Variants in SRFBP1 observed in about 807,000 individuals in gnomAD.
The protein encoded by SRFBP1 is serum response factor-binding protein 1.
In SRFBP1, 47 loss-of-function variants were observed where a neutral mutation model predicts 45.5. The observed-to-expected ratio is 1.03, with a 90% CI of 0.82 to 1.32. SRFBP1 has a LOEUF of 1.32. Ranked by LOEUF, SRFBP1 falls within the 40% of genes most tolerant of loss-of-function variation. The pLI, the probability that SRFBP1 is intolerant of heterozygous loss-of-function variation, is 0.00. For synonymous variants in SRFBP1, 203 were observed against 166.3 expected (o/e 1.22, Z -1.70); for missense variants, 621 against 484.6 (o/e 1.28, Z -2.64).
At position 122,060,816 on chromosome 5, in the gene SRFBP1, C is replaced by T. The variant is rs376643197; in HGVS notation, n.312-14499C>T. On this transcript the variant is annotated intron_variant and non_coding_transcript_variant, in intron 2 of 2. Transcript: ENST00000504881. Reference sequence around the variant, plus strand: ...GATTTCCTGGTTCCATCTGCTCCTGCAGCAAACTCCACCCTTGTCCTTTGG... The same window carrying T: ...GATTTCCTGGTTCCATCTGCTCCTGTAGCAAACTCCACCCTTGTCCTTTGG... Among the ~76,000 whole-genome samples, 59 of 152,220 alleles carry T rather than the reference C, an allele frequency of 3.9e-4. 1 individual carries two copies. In the East Asian group the frequency reaches 7.7e-3, roughly 20 times the overall value.
At chr5:122,031,024 A>G (rs1753580990), downstream of SRFBP1, among the ~76,000 whole-genome samples, 3 of 152,204 alleles carry the variant, frequency 2.0e-5, no homozygotes, top group Admixed American at 2.0e-4. Flanking sequence ...GAGGCACTGC[A>G]TAAGTAGGTG....
chr5:122,018,457 G>T (rs1007454593), intron 4 of SRFBP1, among the ~76,000 whole-genome samples: 1 of 152,148 alleles, frequency 6.6e-6, no homozygotes, highest in African/African-American at 2.4e-5. Flanking sequence ...TAGTGGGAAA[G>T]AATCCTTAGA....
At chr5:122,033,019 A>T (rs552104893), downstream of SRFBP1, among the ~76,000 whole-genome samples, 106 of 152,184 alleles carry the variant, frequency 7.0e-4, no homozygotes, top group Middle Eastern at 6.8e-3. Context: ...TGTGACAGTA[A>T]GATGGGTAAG....
At chr5:122,045,017 T>C (rs1263931734) in intron 2 of SRFBP1, among the ~76,000 whole-genome samples, 1 of 152,186 alleles carries the variant, frequency 6.6e-6, no homozygotes, top group East Asian at 1.9e-4. Flanking sequence ...CTTTAATCCA[T>C]CTTGAGTTAA....
chr5:122,072,111 A>G (rs148516419), intron 2 of SRFBP1, among the ~76,000 whole-genome samples: 177 of 152,322 alleles, frequency 1.2e-3, no homozygotes, highest in Middle Eastern at 3.4e-3. Flanking sequence ...TACTACCACA[A>G]TGTTCATGAC....
chr5:122,063,565 G>A (rs1310524863), intron 2 of SRFBP1: 1 of 151,804 alleles, frequency 6.6e-6, no homozygotes, highest in East Asian at 1.9e-4. Flanking sequence ...AAGTGGCCCA[G>A]GAATTTTGGT....
At chr5:121,968,192 T>G (rs1193528696) in intron 1 of SRFBP1, among the ~76,000 whole-genome samples, 1 of 151,120 alleles carries the variant, frequency 6.6e-6, no homozygotes, top group African/African-American at 2.4e-5. Context: ...CAGTGTATGC[T>G]TAAAACCTCA....
intron 4 of SRFBP1, among the ~76,000 whole-genome samples, chr5:122,011,777 G>A (rs377534165): frequency 1.9e-4 from 29 of 152,226 alleles, no homozygotes; most frequent in African/African-American, 5.1e-4. Context: ...ATGGGCAAGA[G>A]AGAAATGAGG....
chr5:121,976,965 A>G (rs1167956805), intron 3 of SRFBP1, among the ~76,000 whole-genome samples: 1 of 151,988 alleles, frequency 6.6e-6, no homozygotes, highest in Non-Finnish European at 1.5e-5. Flanking sequence ...GTTTGAGAAC[A>G]AAAGATACTC....
intron 3 of SRFBP1, among the ~76,000 whole-genome samples, chr5:121,989,198 G>A (rs914202177): frequency 2.6e-5 from 4 of 151,890 alleles, no homozygotes; most frequent in African/African-American, 9.7e-5. Context: ...TGAGTAGCTG[G>A]GATTACAGGC....
intron 1 of SRFBP1, among the ~76,000 whole-genome samples, chr5:121,967,787 C>A (rs995077371): frequency 2.0e-5 from 3 of 152,098 alleles, no homozygotes; most frequent in Non-Finnish European, 4.4e-5. Context: ...TGTGATGAGT[C>A]GAGATCACAC....
chr5:122,055,732 C>G (rs957108954), intron 2 of SRFBP1, among the ~76,000 whole-genome samples: 4 of 151,960 alleles, frequency 2.6e-5, no homozygotes, highest in Non-Finnish European at 4.4e-5. Context: ...GACAAATAGA[C>G]AAATAGCAAA....
At chr5:122,023,864 A>G (rs1753414305) in intron 7 of SRFBP1, among the ~76,000 whole-genome samples, 1 of 152,100 alleles carries the variant, frequency 6.6e-6, no homozygotes, top group South Asian at 2.1e-4. Context: ...CGTACTGAAA[A>G]TTCTTTCTTT....
rs767099536 is a variant in SRFBP1 at position 121,984,742 on chromosome 5, C to T, written c.198+9355C>T. On this transcript the variant is annotated intron_variant, in intron 3 of 7. Coordinates refer to ENST00000339397, the MANE Select transcript of SRFBP1 (RefSeq NM_152546.3). ...TTTAAGATGACCATTGCCTTCAACA[C>T]GATTTTGAAAAGTTACGCTAAAACT... 8.6e-5 allele frequency among the ~76,000 whole-genome samples: 13 copies of T among 151,790 alleles called. No individual in the cohort carries two copies. The South Asian group carries it at 1.5e-3, about 17-fold the overall frequency.
downstream of SRFBP1, among the ~76,000 whole-genome samples, chr5:122,031,909 A>G (rs1459204652): frequency 6.6e-6 from 1 of 152,228 alleles, no homozygotes; most frequent in African/African-American, 2.4e-5. Context: ...CTTACATGCA[A>G]TGTCCAAAAT....
intron 7 of SRFBP1, among the ~76,000 whole-genome samples, chr5:122,022,779 A>G (rs1753389821): frequency 6.6e-6 from 1 of 152,254 alleles, no homozygotes; most frequent in African/African-American, 2.4e-5. Context: ...GGGCAAGAGT[A>G]TAATCAGAAT....
downstream of SRFBP1, chr5:122,077,386 C>A (rs922851414): frequency 1.1e-5 from 17 of 1,613,984 alleles, no homozygotes; most frequent in Non-Finnish European, 1.4e-5. This position sits in a 1 kb window ranked among gnomAD's most constrained non-coding sequence, Gnocchi z 4.9. Context: ...CGTATCCGGG[C>A]CGGTACCTGC....
intron 3 of SRFBP1, among the ~76,000 whole-genome samples, chr5:121,992,801 T>C (rs1752644812): frequency 6.6e-6 from 1 of 152,130 alleles, no homozygotes; most frequent in African/African-American, 2.4e-5. Context: ...CTTTAGTTTT[T>C]ATTACATGGA....
chr5:122,072,145 G>T (rs1580561737), intron 2 of SRFBP1, among the ~76,000 whole-genome samples: 1 of 152,120 alleles, frequency 6.6e-6, no homozygotes, highest in South Asian at 2.1e-4. Flanking sequence ...CACTGGATTA[G>T]ATATTCATTT....
Sources: gnomAD v4.1 joint callset for allele counts (sites outside exome capture counted in the v4.1 genomes callset) on GRCh38, gnomAD v4.1.1 for gene constraint, Gnocchi (gnomAD v3.1) non-coding constraint, MANE v1.5 for transcripts, NCBI Gene and HGNC (gene_info 2026-07-23, HGNC 2026-07-21) for gene names.